Variants in GMCL1 observed in about 807,000 individuals in gnomAD.
GMCL1 encodes the protein germ cell-less protein-like 1.
In GMCL1, 54 loss-of-function variants were observed where a neutral mutation model predicts 75.5. The ratio of observed to expected loss-of-function variants is 0.71; its 90% confidence interval spans 0.57 to 0.90. The LOEUF (loss-of-function observed/expected upper bound fraction) is 0.90, where lower values mean the gene tolerates loss of function less well. GMCL1 is among the 40% of genes least tolerant of loss of function. The pLI, the probability that GMCL1 is intolerant of heterozygous loss-of-function variation, is 0.00. For synonymous variants in GMCL1, 210 were observed against 209.6 expected, an observed-to-expected ratio of 1.00 and a Z score of -0.02; for missense variants, 537 against 622.7, an observed-to-expected ratio of 0.86 and a Z score of 1.47.
At chr2:69,877,706 T>TTTTG in intron 13 of GMCL1, among the ~76,000 whole-genome samples, 1 of 149,944 alleles carries the variant, frequency 6.7e-6, no homozygotes, top group East Asian at 2.0e-4. Context: ...GATTGTGTGT[T>TTTTG]TGTGTGTGTG....
chr2:69,847,100 G>A lies in GMCL1; in HGVS notation c.759-443G>A, dbSNP rs572689940. Among the ~76,000 whole-genome samples the A allele has an allele frequency of 1.6e-4, 24 of 151,464 alleles. No homozygotes were observed. The South Asian group carries it at 5.0e-3, about 32-fold the overall frequency. The stretch of plus-strand genomic sequence containing the variant: ...TGATTCTCCTGCCTCCCAAAGTGCT[G>A]GGATTACAGATGTGAGCCACTATGC... On this transcript the variant is annotated intron_variant, in intron 6 of 13. Coordinates refer to ENST00000282570, the MANE Select transcript of GMCL1 (RefSeq NM_178439.5).
intron 8 of GMCL1, among the ~76,000 whole-genome samples, chr2:69,850,436 G>A (rs1437232501): frequency 6.6e-6 from 1 of 152,100 alleles, no homozygotes; most frequent in Non-Finnish European, 1.5e-5. Context: ...CAAAGAACTG[G>A]ATAAATCCTT....
chr2:69,872,956 T>A (rs1477471034), intron 13 of GMCL1, among the ~76,000 whole-genome samples: 2 of 152,222 alleles, frequency 1.3e-5, no homozygotes, highest in African/African-American at 2.4e-5. Context: ...CACCATGTGC[T>A]TGGTTCTCAG....
At position 69,869,816 on chromosome 2, in the gene GMCL1, C is replaced by G. The variant is rs1675934888; in HGVS notation, c.1316C>G (p.Pro439Arg). Residue 439 changes from proline (P) to arginine (R), a missense_variant, in exon 12 of 14, where the codon CCA becomes CGA. Pro to Arg is a moderately radical substitution (Grantham distance 103, BLOSUM62 -2). Coordinates refer to ENST00000282570, the MANE Select transcript of GMCL1 (RefSeq NM_178439.5). Reference sequence around the variant, plus strand: ...TTCAAACGCAATACACTGAATCAGCCATGTAGCGGATCTGTCAGTTTACAG... The same window carrying G: ...TTCAAACGCAATACACTGAATCAGCGATGTAGCGGATCTGTCAGTTTACAG... ...IIFKRNTLNQ[P>R]CSGSVSLQPR... The G allele has an allele frequency of 6.2e-7, 1 of 1,613,830 alleles. No homozygotes were observed. Among genetic ancestry groups the G allele is most frequent in the South Asian group, 1.1e-5 (1 of 91,084 alleles).
chr2:69,866,979 C>G (rs1175706944), intron 11 of GMCL1, among the ~76,000 whole-genome samples: 2 of 150,298 alleles, frequency 1.3e-5, no homozygotes, highest in African/African-American at 4.9e-5. Flanking sequence ...GAGTCTCACT[C>G]TGTTGCCCAG....
intron 9 of GMCL1, among the ~76,000 whole-genome samples, chr2:69,859,144 CAAAAAAAA>C (rs571712437): frequency 9.6e-5 from 6 of 62,662 alleles, no homozygotes; most frequent in Admixed American, 3.5e-4. Flanking sequence ...GACTCTGTCT[CAAAAAAAA>C]AAAAAAAAAA....
chr2:69,840,842 C>A, intron 3 of GMCL1, 100 bp from the exon 4 acceptor site: 1 of 689,862 alleles, frequency 1.4e-6, no homozygotes, highest in Non-Finnish European at 2.4e-6. Context: ...CACATTTAGA[C>A]GGATGTCTTT....
chr2:69,870,027 G>C (rs901284301), intron 12 of GMCL1, among the ~76,000 whole-genome samples, 163 bp downstream of exon 12: 3 of 148,904 alleles, frequency 2.0e-5, no homozygotes, highest in Admixed American at 6.8e-5. Context: ...TCTATTGTTA[G>C]TAATCAGAAT....
At chr2:69,861,471 T>G in intron 10 of GMCL1, 124 bp downstream of exon 10, 1 of 559,718 alleles carries the variant, frequency 1.8e-6, no homozygotes, top group Non-Finnish European at 3.2e-6. Flanking sequence ...AAAGATCATA[T>G]AATCACTTTT....
chr2:69,859,385 G>A (rs1675574660), intron 9 of GMCL1, among the ~76,000 whole-genome samples: 1 of 151,350 alleles, frequency 6.6e-6, no homozygotes, highest in South Asian at 2.1e-4. Flanking sequence ...TCATGTAATA[G>A]TTGCTACTAG....
chr2:69,854,670 G>T (rs550631846), intron 8 of GMCL1, among the ~76,000 whole-genome samples, 153 bp from the exon 9 acceptor site: 8 of 152,266 alleles, frequency 5.3e-5, no homozygotes, highest in African/African-American at 1.7e-4. Context: ...GTTCTTATCT[G>T]TAAACCTAAG....
chr2:69,840,886 A>G, intron 3 of GMCL1, 56 bp from the exon 4 acceptor site: 2 of 1,200,340 alleles, frequency 1.7e-6, no homozygotes, highest in Non-Finnish European at 2.4e-6. Context: ...TTATTTGTAT[A>G]ACACTTGTAA....
intron 11 of GMCL1, among the ~76,000 whole-genome samples, chr2:69,865,660 A>G (rs184531193): frequency 7.3e-4 from 111 of 152,254 alleles, no homozygotes; most frequent in Non-Finnish European, 4.0e-4. Context: ...AAAAAAAAAG[A>G]TATTTTTTCA....
chr2:69,872,667 A>C (rs150551712), intron 13 of GMCL1, among the ~76,000 whole-genome samples: 10 of 152,322 alleles, frequency 6.6e-5, no homozygotes, highest in Non-Finnish European at 1.5e-4. Context: ...CCCATTGTTG[A>C]AACTCTAACT....
chr2:69,866,615 C>A (rs1055073330), intron 11 of GMCL1, among the ~76,000 whole-genome samples: 1 of 152,124 alleles, frequency 6.6e-6, no homozygotes. Context: ...CGTGTCACCA[C>A]AGCCAGCTAA....
rs762954094 is a variant in GMCL1, at chr2:69,865,395, C to A, written c.1218+420C>A. On this transcript the variant is annotated intron_variant, in intron 11 of 13. Transcript: ENST00000282570. ...AGGTGCGGTGGCTCACGCCTATAAT[C>A]CCAGCACTTTGGAAGGCTGAGATGG... 1.2e-3 allele frequency among the ~76,000 whole-genome samples: 190 copies of A among 152,292 alleles called. 3 individuals are homozygous for A. Among genetic ancestry groups the A allele is most frequent in the Non-Finnish European group, 2.5e-3 (171 of 68,026 alleles).
intron 9 of GMCL1, among the ~76,000 whole-genome samples, chr2:69,861,041 C>T (rs1172914947): frequency 2.0e-5 from 3 of 152,186 alleles, no homozygotes; most frequent in African/African-American, 7.2e-5. Flanking sequence ...CGGGGTTTTG[C>T]CATGTTAGTC....
chr2:69,852,357 A>C (rs1675341161), intron 8 of GMCL1, among the ~76,000 whole-genome samples: 1 of 152,212 alleles, frequency 6.6e-6, no homozygotes, highest in Admixed American at 6.5e-5. Flanking sequence ...AGTTCAAGAT[A>C]ACTTTTCAAG....
At chr2:69,877,672 C>T (rs1202448116) in intron 13 of GMCL1, among the ~76,000 whole-genome samples, 2 of 150,414 alleles carry the variant, frequency 1.3e-5, no homozygotes, top group Non-Finnish European at 3.0e-5. Context: ...TTTATAATAC[C>T]ACTTTCCCTC....
Sources: gnomAD v4.1 joint callset for allele counts (sites outside exome capture counted in the v4.1 genomes callset) on GRCh38, gnomAD v4.1.1 for gene constraint, MANE v1.5 for transcripts, NCBI Gene and HGNC (gene_info 2026-07-23, HGNC 2026-07-21) for gene names.